Variants in FER observed in about 807,000 individuals in gnomAD.
FER encodes the protein FER tyrosine kinase.
Under a neutral mutation model 111.0 loss-of-function variants are expected in FER, and 63 were observed. The ratio of observed to expected loss-of-function variants is 0.57; its 90% confidence interval spans 0.46 to 0.70. The LOEUF (loss-of-function observed/expected upper bound fraction) is 0.70, where lower values mean the gene tolerates loss of function less well. Ranked by LOEUF, FER falls within the 30% of genes least tolerant of loss-of-function variation. The pLI, the probability that FER is intolerant of heterozygous loss-of-function variation, is 0.00. For synonymous variants in FER, 327 were observed against 313.9 expected (o/e 1.04, Z -0.44); for missense variants, 914 against 954.0 (o/e 0.96, Z 0.55).
At chr5:108,826,599 A>G (rs546215363) in intron 3 of FER, among the ~76,000 whole-genome samples, 1 of 152,260 alleles carries the variant, frequency 6.6e-6, no homozygotes, top group African/African-American at 2.4e-5. Context: ...CTGTCAGGGT[A>G]ATACTGGCTT....
chr5:109,087,892 C>T (rs1046400930), intron 16 of FER, among the ~76,000 whole-genome samples: 3 of 151,518 alleles, frequency 2.0e-5, no homozygotes, highest in Admixed American at 6.6e-5. Context: ...AATTTCTGTC[C>T]CAGGGACAGT....
intron 17 of FER, among the ~76,000 whole-genome samples, chr5:109,167,504 T>C (rs1485281722): frequency 1.3e-5 from 2 of 152,184 alleles, no homozygotes; most frequent in East Asian, 3.9e-4. Flanking sequence ...TTGTCAAATA[T>C]GTTGGACCTT....
At chr5:109,158,303 T>G (rs1163944649) in intron 17 of FER, among the ~76,000 whole-genome samples, 1 of 152,026 alleles carries the variant, frequency 6.6e-6, no homozygotes, top group Non-Finnish European at 1.5e-5. Context: ...GTCGGGGCAG[T>G]TGAGGTAGAT....
At chr5:109,118,813 C>G (rs1020604880) in intron 17 of FER, among the ~76,000 whole-genome samples, 16 of 152,040 alleles carry the variant, frequency 1.1e-4, no homozygotes, top group Admixed American at 1.0e-3. Context: ...ATAGTATTCT[C>G]TGATGGTAGT....
At chr5:108,843,176 G>T (rs145802351) in intron 5 of FER, among the ~76,000 whole-genome samples, 1 of 152,108 alleles carries the variant, frequency 6.6e-6, no homozygotes, top group African/African-American at 2.4e-5. Context: ...CAGGTTTTCC[G>T]TTCCTGGATT....
intron 1 of FER, among the ~76,000 whole-genome samples, chr5:108,756,898 G>A (rs1360453646): frequency 1.3e-5 from 2 of 152,070 alleles, no homozygotes; most frequent in Non-Finnish European, 1.5e-5. Context: ...TAAATTACAT[G>A]GCTTCAGATA....
At chr5:109,076,625 A>G (rs1407373253) in intron 16 of FER, among the ~76,000 whole-genome samples, 1 of 151,840 alleles carries the variant, frequency 6.6e-6, no homozygotes, top group Non-Finnish European at 1.5e-5. Flanking sequence ...TTTTATAGAG[A>G]TGGGATTTCG....
At chr5:108,993,622 C>T (rs554692131) in intron 13 of FER, among the ~76,000 whole-genome samples, 3 of 106,360 alleles carry the variant, frequency 2.8e-5, no homozygotes, top group Admixed American at 8.9e-5. Context: ...AGGGCAAGGG[C>T]GAGGGCGAGG....
chr5:108,923,939 T>G (rs2149559716), intron 10 of FER, among the ~76,000 whole-genome samples: 1 of 152,196 alleles, frequency 6.6e-6, no homozygotes, highest in African/African-American at 2.4e-5. Flanking sequence ...ATCTGCAAGG[T>G]TTTGTTTCAA....
chr5:109,049,506 C>A (rs1045005929), intron 16 of FER, among the ~76,000 whole-genome samples: 1 of 152,138 alleles, frequency 6.6e-6, no homozygotes, highest in African/African-American at 2.4e-5. Flanking sequence ...CCTGCTAAAT[C>A]CTTCAAGTAT....
At chr5:108,962,287 G>A (rs1260342892) in intron 13 of FER, among the ~76,000 whole-genome samples, 2 of 152,112 alleles carry the variant, frequency 1.3e-5, no homozygotes, top group Non-Finnish European at 2.9e-5. Flanking sequence ...TTAATCACCC[G>A]TTATCATCAT....
intron 9 of FER, among the ~76,000 whole-genome samples, chr5:108,889,341 T>C (rs1747666834): frequency 6.6e-6 from 1 of 151,834 alleles, no homozygotes; most frequent in South Asian, 2.1e-4. Context: ...GAAATGTACC[T>C]ATACACAATG....
At position 109,020,220 on chromosome 5, in the gene FER, A is replaced by G. The variant is rs563965923; in HGVS notation, c.1657-17202A>G. On this transcript the variant is annotated intron_variant, in intron 13 of 19. Transcript: ENST00000281092. ...CCTGCATTTGGAAATTAATTTTAAAATCAGTCTTAAAACATCTTGCCTTGA... is the reference window on the plus strand; with the variant it reads ...CCTGCATTTGGAAATTAATTTTAAAGTCAGTCTTAAAACATCTTGCCTTGA... 2.6e-5 allele frequency among the ~76,000 whole-genome samples: 4 copies of G among 152,092 alleles called. No homozygotes were observed. The South Asian group carries it at 8.3e-4, about 32-fold the overall frequency.
At chr5:109,186,985 G>A (rs557881785) in intron 19 of FER, among the ~76,000 whole-genome samples, 9 of 152,162 alleles carry the variant, frequency 5.9e-5, no homozygotes, top group African/African-American at 1.9e-4. Flanking sequence ...ACCAACAGAC[G>A]GTAAAAGAAT....
At chr5:109,064,259 C>T (rs557018181) in intron 16 of FER, among the ~76,000 whole-genome samples, 1 of 152,238 alleles carries the variant, frequency 6.6e-6, no homozygotes, top group South Asian at 2.1e-4. Context: ...TGGCATTCCA[C>T]ATGTGTGGTA....
chr5:109,156,604 T>C (rs577676882), intron 17 of FER, among the ~76,000 whole-genome samples: 1 of 151,778 alleles, frequency 6.6e-6, no homozygotes, highest in East Asian at 1.9e-4. Context: ...CCCTATAGAC[T>C]GAAAAGAAAA....
Position 108,759,548 on chromosome 5 carries a change from C to G in FER, c.-205-8545C>G, listed in dbSNP as rs557265158. Among the ~76,000 whole-genome samples, 71 of 152,320 alleles carry G rather than the reference C, an allele frequency of 4.7e-4. 1 individual carries two copies. The highest frequency in any genetic ancestry group is 1.7e-3 in the African/African-American group (69 of 41,560). On this transcript the variant is annotated intron_variant, in intron 1 of 19. Transcript: ENST00000281092. ...TTTGTGCTTCTATAACAGAATACCA[C>G]AGACTGAGTAATTTAAAAATAATAG...
intron 16 of FER, among the ~76,000 whole-genome samples, chr5:109,098,242 A>G (rs1012132847): frequency 2.6e-5 from 4 of 151,878 alleles, no homozygotes; most frequent in African/African-American, 9.7e-5. Flanking sequence ...TGTACTATTA[A>G]ACAATATTTG....
chr5:108,957,468 A>T (rs1446845578), intron 12 of FER, among the ~76,000 whole-genome samples: 9 of 151,630 alleles, frequency 5.9e-5, no homozygotes, highest in African/African-American at 9.7e-5. Flanking sequence ...GCAGGCAAGG[A>T]TGTGGAGAAA....
Sources: allele counts gnomAD v4.1 joint callset (sites outside exome capture counted in the v4.1 genomes callset), GRCh38; gene constraint gnomAD v4.1.1; transcripts MANE v1.5; gene names NCBI Gene and HGNC (gene_info 2026-07-23, HGNC 2026-07-21).